The following CTCF variants were observed in gnomAD, a reference collection of about 807,000 sequenced individuals.
The protein encoded by CTCF is CCCTC-binding factor, also known as transcriptional repressor CTCF.
A neutral mutation model predicts 72.3 loss-of-function variants in CTCF; 7 were observed. The ratio of observed to expected loss-of-function variants is 0.10; its 90% CI spans 0.06 to 0.18. CTCF has a LOEUF of 0.18. Ranked by LOEUF, CTCF falls within the 10% of genes least tolerant of loss-of-function variation. CTCF has a pLI of 1.00. For synonymous variants in CTCF, 374 were observed against 315.8 expected (o/e 1.18, Z -1.95); for missense variants, 516 against 949.1 (o/e 0.54, Z 6.00).
At chr16:67,589,766 A>T (rs1403978053) in intron 2 of CTCF, among the ~76,000 whole-genome samples, 1 of 152,078 alleles carries the variant, frequency 6.6e-6, no homozygotes, top group East Asian at 1.9e-4. Context: ...TGACGCTTCA[A>T]CACCTAATAC....
intron 10 of CTCF, among the ~76,000 whole-genome samples, chr16:67,634,364 C>T (rs779098826): frequency 5.3e-5 from 8 of 151,912 alleles, no homozygotes; most frequent in Admixed American, 2.0e-4. Flanking sequence ...CCCGCCATCA[C>T]AGCTGGCTAA....
rs558930275 is a variant in CTCF at position 67,635,471 on chromosome 16, C to T, written c.1838-1219C>T. 6.2e-3 allele frequency: 933 copies of T among 151,648 alleles called. 10 individuals carry two copies. The highest frequency in any genetic ancestry group is 0.011 in the Non-Finnish European group (739 of 67,996). The allele number at this position is 151,648 out of a possible 1,614,324, so 9.4% of individuals were successfully genotyped here. On this transcript the variant is annotated intron_variant, in intron 10 of 11. Coordinates refer to ENST00000264010, the MANE Select transcript of CTCF (RefSeq NM_006565.4). ...ATGAGCCATCACACCGAGTCAATTT[C>T]GTTTTTGTTTTTTGTTTGTTTGTTT... is the stretch of plus-strand genomic sequence containing the variant.
chr16:67,638,098 A>C lies in CTCF; in HGVS notation c.*226A>C, dbSNP rs1350389168. On this transcript the variant is annotated 3_prime_UTR_variant, in exon 12 of 12. Coordinates refer to ENST00000264010, the MANE Select transcript of CTCF (RefSeq NM_006565.4). ...GAATGTTCTGAGTCCCTGAGGGTTT[A>C]CTGTGAAGTGCTGAGGACAGTGTTG... The C allele has an allele frequency of 1.9e-6, 1 of 522,568 alleles. No homozygotes were observed. The highest frequency in any genetic ancestry group is 3.2e-5 in the Admixed American group (1 of 31,218). 32.4% of individuals were successfully genotyped at this position (522,568 alleles called of 1,614,324 possible).
chr16:67,572,450 C>T (rs901631214), intron 2 of CTCF: 2 of 152,178 alleles, frequency 1.3e-5, no homozygotes, highest in Non-Finnish European at 2.9e-5. Flanking sequence ...GCTTAGATCC[C>T]TGTTTCTCAA....
chr16:67,611,928 T>C, intron 3 of CTCF, 23 bp from the exon 4 acceptor site: 1 of 1,604,224 alleles, frequency 6.2e-7, no homozygotes, highest in South Asian at 1.1e-5. Context: ...CTGCAGCAAG[T>C]AAGTGTTTTA....
intron 1 of CTCF, chr16:67,570,634 G>C (rs1042990548): frequency 3.3e-5 from 5 of 150,946 alleles, no homozygotes; most frequent in Admixed American, 6.6e-5. Context: ...GTACAGACGG[G>C]GTTTCACCAT....
Position 67,612,081 on chromosome 16 carries a change from A to G in CTCF, c.912A>G (p.Arg304=). Residue 304 remains arginine (R), a synonymous_variant, in exon 4 of 12, where the codon AGA becomes AGG. Transcript: ENST00000264010. Reference sequence around the variant, plus strand: ...GCCATCTCTGTGGCAGGGCATTCAGAACAGTCACCCTCCTGAGGAATCACC... The same window carrying G: ...GCCATCTCTGTGGCAGGGCATTCAGGACAGTCACCCTCCTGAGGAATCACC... ...HKCHLCGRAF[R]TVTLLRNHLN... 6.2e-7 allele frequency: 1 copy of G among 1,614,208 alleles called. No individual in the cohort carries two copies. Among genetic ancestry groups the G allele is most frequent in the Non-Finnish European group, 8.5e-7 (1 of 1,180,040 alleles).
At chr16:67,628,644 G>A in intron 9 of CTCF, 92 bp downstream of exon 9, 7 of 1,266,614 alleles carry the variant, frequency 5.5e-6, no homozygotes, top group Non-Finnish European at 7.9e-6. Flanking sequence ...TTTCACTGAG[G>A]TTATAAACAG....
At chr16:67,636,996 C>CTT in intron 11 of CTCF, 145 bp downstream of exon 11, 1 of 711,380 alleles carries the variant, frequency 1.4e-6, no homozygotes, top group South Asian at 3.5e-5. Flanking sequence ...CAGGAAATGG[C>CTT]TTTTTAGGAG....
intron 10 of CTCF, among the ~76,000 whole-genome samples, chr16:67,634,589 C>T (rs955547193): frequency 6.7e-6 from 1 of 149,254 alleles, no homozygotes; most frequent in African/African-American, 2.5e-5. Flanking sequence ...GAAATCACAG[C>T]ACGCTGCAGC....
rs146405304 is a variant in CTCF at position 67,575,596 on chromosome 16, C to A, written c.-10+4332C>A. Among the ~76,000 whole-genome samples, 615 of 152,190 alleles carry A rather than the reference C, an allele frequency of 4.0e-3. 17 individuals carry two copies. Among genetic ancestry groups the A allele is most frequent in the Admixed American group, 0.035 (534 of 15,270 alleles). The stretch of plus-strand genomic sequence containing the variant: ...AATAGCTAGGACTACAGGTGCGCCA[C>A]CATGTCTAGCTAATTTTTGTATTTT... On this transcript the variant is annotated intron_variant, in intron 2 of 11. Coordinates refer to ENST00000264010, the MANE Select transcript of CTCF (RefSeq NM_006565.4).
intron 2 of CTCF, among the ~76,000 whole-genome samples, chr16:67,605,506 G>A (rs2051961907): frequency 1.3e-5 from 2 of 152,300 alleles, no homozygotes; most frequent in Admixed American, 1.3e-4. Flanking sequence ...GGTAATGGAA[G>A]AATAAACCAA....
At chr16:67,634,055 GC>G (rs1303673214) in intron 10 of CTCF, among the ~76,000 whole-genome samples, 1 of 152,148 alleles carries the variant, frequency 6.6e-6, no homozygotes, top group Non-Finnish European at 1.5e-5. Context: ...GCTTCATTCT[GC>G]TGTAATACCT....
At position 67,637,712 on chromosome 16, in the gene CTCF, A is replaced by C; in HGVS notation, c.2024A>C (p.Asp675Ala). 6.2e-7 allele frequency: 1 copy of C among 1,613,422 alleles called. No individual in the cohort carries two copies. The highest frequency in any genetic ancestry group is 8.5e-7 in the Non-Finnish European group (1 of 1,179,632). ...NQPTAIIQVEDQNTGAIENII... is the reference protein window; with the variant it reads ...NQPTAIIQVEAQNTGAIENII... Reference sequence around the variant, plus strand: ...GCAACAGCTATCATTCAGGTTGAAGACCAGAATACAGGTGCAATTGAGAAC... The same window carrying C: ...GCAACAGCTATCATTCAGGTTGAAGCCCAGAATACAGGTGCAATTGAGAAC... The change falls in exon 12 of 12, where the codon GAC (aspartate) becomes GCC (alanine). Residue 675 changes from aspartate (D) to alanine (A), a missense_variant. Physicochemically the swap from Asp to Ala is moderately radical, Grantham distance 126. This residue lies in a region of CTCF where 157 missense variants were observed against 172.9 expected (regional missense o/e 0.91). Coordinates refer to ENST00000264010, the MANE Select transcript of CTCF (RefSeq NM_006565.4).
chr16:67,571,031 G>T (rs1008699941), intron 1 of CTCF, 117 bp from the exon 2 acceptor site: 1 of 152,120 alleles, frequency 6.6e-6, no homozygotes, highest in African/African-American at 2.4e-5. Flanking sequence ...ACATGAACAG[G>T]TGTTTTGTTT....
chr16:67,601,332 TG>T (rs1182213184), intron 2 of CTCF, among the ~76,000 whole-genome samples: 4 of 148,612 alleles, frequency 2.7e-5, no homozygotes, highest in East Asian at 2.0e-4. Flanking sequence ...TGTGTGTGTG[TG>T]TGTGTTTTGT....
chr16:67,627,491 C>T (rs1302789074), intron 8 of CTCF: 1 of 147,136 alleles, frequency 6.8e-6, no homozygotes, highest in Non-Finnish European at 1.5e-5. Context: ...ACTCTGTCTC[C>T]AAAAGAAAAA....
intron 2 of CTCF, among the ~76,000 whole-genome samples, chr16:67,595,054 G>C (rs1021183021): frequency 1.3e-5 from 2 of 152,086 alleles, no homozygotes; most frequent in African/African-American, 4.8e-5. Flanking sequence ...CAGAGCTCTG[G>C]GAGCTAAGAT....
chr16:67,586,123 G>A (rs1173798921), intron 2 of CTCF, among the ~76,000 whole-genome samples: 12 of 152,144 alleles, frequency 7.9e-5, no homozygotes, highest in Admixed American at 7.2e-4. Flanking sequence ...TTTTGAGGCT[G>A]GGTGCAGTGG....
Sources: gnomAD v4.1 joint callset for allele counts (sites outside exome capture counted in the v4.1 genomes callset) on GRCh38, gnomAD v4.1.1 for gene constraint, gnomAD v4.1.1 regional missense constraint, MANE v1.5 for transcripts, NCBI Gene and HGNC (gene_info 2026-07-23, HGNC 2026-07-21) for gene names.